Variants in GSK3B observed in about 807,000 individuals in gnomAD.
GSK3B encodes glycogen synthase kinase 3 beta.
In GSK3B, 15 loss-of-function variants were observed where a neutral mutation model predicts 56.4. That is an observed-to-expected ratio of 0.27 (90% confidence interval 0.18 to 0.41). GSK3B has a LOEUF of 0.41. Among genes scored for constraint, GSK3B ranks in the 10% least tolerant of loss-of-function variants. GSK3B has a pLI of 1.00. For synonymous variants in GSK3B, 181 were observed against 188.9 expected, an observed-to-expected ratio of 0.96 and a Z score of 0.34; for missense variants, 300 against 513.4, an observed-to-expected ratio of 0.58 and a Z score of 4.02.
intron 9 of GSK3B, among the ~76,000 whole-genome samples, chr3:119,846,131 C>T (rs771266635): frequency 6.6e-6 from 1 of 152,122 alleles, no homozygotes; most frequent in South Asian, 2.1e-4. Flanking sequence ...TTCCTTATAC[C>T]TTATACAAAA....
At chr3:120,078,170 C>CA (rs1406169599) in intron 1 of GSK3B, among the ~76,000 whole-genome samples, 1 of 152,134 alleles carries the variant, frequency 6.6e-6, no homozygotes, top group Non-Finnish European at 1.5e-5. Context: ...CTATGGTCCA[C>CA]AGCAGCATTT....
At chr3:119,835,577 T>C (rs1402114672) in intron 10 of GSK3B, among the ~76,000 whole-genome samples, 1 of 152,226 alleles carries the variant, frequency 6.6e-6, no homozygotes, top group Non-Finnish European at 1.5e-5. Context: ...CATAATGTTA[T>C]GTGTGATTAT....
intron 1 of GSK3B, among the ~76,000 whole-genome samples, chr3:120,042,563 A>G (rs1192109697): frequency 6.6e-6 from 1 of 152,250 alleles, no homozygotes; most frequent in Non-Finnish European, 1.5e-5. Context: ...CGGGTTGTCT[A>G]AAATACTTAT....
intron 3 of GSK3B, among the ~76,000 whole-genome samples, chr3:119,942,087 G>C (rs1042029261): frequency 6.6e-6 from 1 of 152,132 alleles, no homozygotes; most frequent in Non-Finnish European, 1.5e-5. Context: ...GGTGGCATGA[G>C]AAATAAAATC....
In GSK3B at chr3:119,985,998, T is replaced by C. The variant is rs971119026; in HGVS notation, c.282+16048A>G. ...GTACCAAAACAGATATATAGACCAA[T>C]GGAACAGAAGAGAGCCCTCAGAAAT... is the stretch of plus-strand genomic sequence containing the variant. On this transcript the variant is annotated intron_variant, in intron 2 of 10. Coordinates refer to ENST00000264235, the MANE Select transcript of GSK3B (RefSeq NM_001146156.2). Among the ~76,000 whole-genome samples, 10 of 152,186 alleles carry C rather than the reference T, an allele frequency of 6.6e-5. 1 individual carries two copies. In the South Asian group the frequency reaches 1.9e-3, roughly 28 times the overall value.
intron 1 of GSK3B, among the ~76,000 whole-genome samples, chr3:120,056,654 T>C (rs2058193606): frequency 1.3e-5 from 2 of 152,004 alleles, no homozygotes; most frequent in Admixed American, 1.3e-4. Context: ...TTCTCAATAG[T>C]TTTTAAGAGT....
chr3:120,093,403 G>A lies in GSK3B; in HGVS notation c.32C>T (p.Ala11Val). The A allele has an allele frequency of 6.2e-7, 1 of 1,613,534 alleles. No homozygotes were observed. Among genetic ancestry groups the A allele is most frequent in the Non-Finnish European group, 8.5e-7 (1 of 1,179,502 alleles). ...CTGCTGCACCGGCTTGCAGCTCTCC[G>A]CAAAGGAGGTGGTTCTGGGCCGCCC... MSGRPRTTSF[A>V]ESCKPVQQPS... The change falls in exon 1 of 11, where the codon GCG becomes GTG. Residue 11 changes from alanine (A) to valine (V), a missense_variant. Physicochemically the swap from Ala to Val is moderately conservative, Grantham distance 64 (BLOSUM62 0). Around this residue, in one of 6 missense-constraint regions of GSK3B, gnomAD observed 53 missense variants for 64.6 expected, o/e 0.82. Transcript: ENST00000264235.
rs374280843 is a variant in GSK3B at position 119,869,149 on chromosome 3, G to A, written c.910-5544C>T. ...TGAGGCAGGAGAATTGCTTGAACCC[G>A]GGAGGTGGAGGCTGCAGTGAGCCGA... On this transcript the variant is annotated intron_variant, in intron 8 of 10. Coordinates refer to ENST00000264235, the MANE Select transcript of GSK3B (RefSeq NM_001146156.2). Among the ~76,000 whole-genome samples the A allele has an allele frequency of 2.7e-3, 398 of 148,702 alleles. 3 individuals carry two copies. The highest frequency in any genetic ancestry group is 0.025 in the South Asian group (115 of 4,668).
intron 7 of GSK3B, among the ~76,000 whole-genome samples, chr3:119,888,757 C>T (rs535098754): frequency 1.3e-5 from 2 of 152,108 alleles, no homozygotes; most frequent in Admixed American, 6.6e-5. Flanking sequence ...GGGAAGATAT[C>T]ACTAAATTCT....
At chr3:119,969,291 C>CAA (rs112664898) in intron 2 of GSK3B, among the ~76,000 whole-genome samples, 17 of 106,886 alleles carry the variant, frequency 1.6e-4, no homozygotes, top group Non-Finnish European at 2.6e-4. Context: ...GACTCCATCT[C>CAA]AAAAAAAAAA....
intron 6 of GSK3B, among the ~76,000 whole-genome samples, chr3:119,906,785 C>T (rs2056686848): frequency 6.6e-6 from 1 of 151,986 alleles, no homozygotes. Flanking sequence ...TGGACTTTAC[C>T]ACCTACCAGT....
chr3:119,834,622 C>T (rs987637098), intron 10 of GSK3B, among the ~76,000 whole-genome samples: 2 of 151,954 alleles, frequency 1.3e-5, no homozygotes, highest in Admixed American at 6.6e-5. Flanking sequence ...CATGGGGACA[C>T]ACAGGTAACA....
intron 1 of GSK3B, among the ~76,000 whole-genome samples, chr3:120,085,431 C>A (rs758917147): frequency 6.6e-6 from 1 of 152,186 alleles, no homozygotes; most frequent in Non-Finnish European, 1.5e-5. Flanking sequence ...TCCAACTCTT[C>A]AGGTGCTCAC....
At chr3:120,044,898 G>T (rs2058090898) in intron 1 of GSK3B, among the ~76,000 whole-genome samples, 1 of 152,186 alleles carries the variant, frequency 6.6e-6, no homozygotes, top group Admixed American at 6.5e-5. Context: ...TGAAGGTCTT[G>T]CAAGGGATTA....
intron 1 of GSK3B, among the ~76,000 whole-genome samples, chr3:120,073,441 G>A (rs147052362): frequency 0.025 from 3,840 of 152,016 alleles, 123 homozygotes; most frequent in Admixed American, 0.096. Flanking sequence ...TTGCAATATG[G>A]ATTTCAACTA....
chr3:119,843,420 G>T (rs2055807865), intron 9 of GSK3B, 67 bp from the exon 10 acceptor site: 1 of 844,308 alleles, frequency 1.2e-6, no homozygotes, highest in Non-Finnish European at 1.9e-6. Context: ...TATTTTATTG[G>T]TAAGAGTGAA....
At chr3:119,895,982 G>T (rs534691712) in intron 7 of GSK3B, among the ~76,000 whole-genome samples, 1 of 151,980 alleles carries the variant, frequency 6.6e-6, no homozygotes, top group African/African-American at 2.4e-5. Flanking sequence ...ACAAAAATTT[G>T]CCAGGCATGG....
chr3:119,970,762 G>A (rs1009644950), intron 2 of GSK3B, among the ~76,000 whole-genome samples: 4 of 151,824 alleles, frequency 2.6e-5, no homozygotes, highest in Non-Finnish European at 5.9e-5. Flanking sequence ...ACTCCAGCCC[G>A]GGCGACAGTG....
chr3:120,066,876 C>T (rs75142045), intron 1 of GSK3B, among the ~76,000 whole-genome samples: 3,918 of 152,190 alleles, frequency 0.026, 80 homozygotes, highest in Non-Finnish European at 0.041. Context: ...TCGTATTTGG[C>T]CTATAAGCTG....
Sources: allele counts gnomAD v4.1 joint callset (sites outside exome capture counted in the v4.1 genomes callset), GRCh38; gene constraint gnomAD v4.1.1; regional missense constraint gnomAD v4.1.1; transcripts MANE v1.5; gene names NCBI Gene and HGNC (gene_info 2026-07-23, HGNC 2026-07-21).